ANO3: variants seen among roughly 807,000 people sequenced by gnomAD.
ANO3 encodes the protein anoctamin 3.
ANO3 carries 99 observed loss-of-function variants against 144.8 expected under a neutral mutation model. That is an observed-to-expected ratio of 0.68 (90% CI 0.58 to 0.81). ANO3 has a LOEUF of 0.81. Among genes scored for constraint, ANO3 ranks in the 30% least tolerant of loss-of-function variants. The pLI is 0.00. For missense variants in ANO3, 905 were observed against 1,202.2 expected, an observed-to-expected ratio of 0.75 and a Z score of 3.66; for synonymous variants, 414 against 392.6, an observed-to-expected ratio of 1.05 and a Z score of -0.64.
intron 1 of ANO3, among the ~76,000 whole-genome samples, chr11:26,248,623 T>C (rs941238931): frequency 1.3e-5 from 2 of 152,204 alleles, no homozygotes; most frequent in East Asian, 1.9e-4. Context: ...CAGAAATGAA[T>C]TGGATTATGT....
At chr11:26,228,629 A>G (rs1210411326) in intron 1 of ANO3, among the ~76,000 whole-genome samples, 1 of 152,220 alleles carries the variant, frequency 6.6e-6, no homozygotes, top group Admixed American at 6.5e-5. Context: ...ATTGGCCCCA[A>G]AGTTAGCACC....
intron 19 of ANO3, 126 bp downstream of exon 19, chr11:26,634,441 AT>A (rs1444636474): frequency 6.5e-6 from 4 of 614,406 alleles, no homozygotes; most frequent in South Asian, 4.6e-5. Flanking sequence ...GCACAAAAAA[AT>A]AAAACCTATT....
At chr11:26,301,228 T>G (rs1157240711) in intron 1 of ANO3, among the ~76,000 whole-genome samples, 1 of 152,226 alleles carries the variant, frequency 6.6e-6, no homozygotes, top group Non-Finnish European at 1.5e-5. Context: ...TTGTTACCAC[T>G]GTCATTGGAT....
At chr11:26,469,673 A>C (rs189522400) in intron 4 of ANO3, among the ~76,000 whole-genome samples, 1 of 152,084 alleles carries the variant, frequency 6.6e-6, no homozygotes, top group East Asian at 1.9e-4. Context: ...TAAATATATC[A>C]GTGTCAAAAT....
At chr11:26,392,249 T>C (rs911765686) in intron 1 of ANO3, among the ~76,000 whole-genome samples, 9 of 151,710 alleles carry the variant, frequency 5.9e-5, no homozygotes, top group Non-Finnish European at 1.0e-4. Context: ...CTTTTTTTTT[T>C]TTTTTTTAAG....
chr11:26,424,925 A>G (rs1387442026), intron 1 of ANO3, among the ~76,000 whole-genome samples: 1 of 152,028 alleles, frequency 6.6e-6, no homozygotes, highest in African/African-American at 2.4e-5. Flanking sequence ...TCTAGGGTAC[A>G]TGTGCACAAC....
At position 26,226,514 on chromosome 11, in the gene ANO3, C is replaced by G. The variant is rs139563631; in HGVS notation, c.154+37184C>G. On this transcript the variant is annotated intron_variant, in intron 1 of 27. Coordinates refer to the ANO3 transcript ENST00000672621. The stretch of plus-strand genomic sequence containing the variant: ...AATTTTTAAAACATTTTTATATTTC[C>G]TTTTAGTTTATCCCTGGAGCCCGAC... Among the ~76,000 whole-genome samples, 933 of 152,000 alleles carry G rather than the reference C, an allele frequency of 6.1e-3. 6 individuals are homozygous for G. Among genetic ancestry groups the G allele is most frequent in the African/African-American group, 0.022 (896 of 41,464 alleles).
intron 11 of ANO3, among the ~76,000 whole-genome samples, chr11:26,546,560 G>C (rs1849794203): frequency 6.6e-6 from 1 of 151,990 alleles, no homozygotes; most frequent in African/African-American, 2.4e-5. Context: ...GTCTTTAGAA[G>C]ATGGAGACCA....
In ANO3 at chr11:26,525,706, A is replaced by C. The variant is rs988902329; in HGVS notation, c.737+27A>C. 6 of 1,586,106 alleles carry C rather than the reference A, an allele frequency of 3.8e-6. No individual in the cohort carries two copies. In the South Asian group the frequency reaches 5.8e-5, roughly 15 times the overall value. On this transcript the variant is annotated intron_variant, in intron 7 of 26. Coordinates refer to ENST00000256737, the MANE Select transcript of ANO3 (RefSeq NM_031418.4). ...TTGGTGGGTGATGAATCATTTCTTT[A>C]TAACAAATTTGTCGTTTTGAAAAAA... is the stretch of plus-strand genomic sequence containing the variant.
At chr11:26,207,421 T>C (rs118079878) in intron 1 of ANO3, among the ~76,000 whole-genome samples, 1,704 of 152,302 alleles carry the variant, frequency 0.011, 30 homozygotes, top group Non-Finnish European at 0.015. Context: ...GATACGGGTT[T>C]GCATTCACAT....
At chr11:26,408,086 AC>A (rs1326064844) in intron 1 of ANO3, among the ~76,000 whole-genome samples, 2 of 152,038 alleles carry the variant, frequency 1.3e-5, no homozygotes, top group Non-Finnish European at 2.9e-5. Flanking sequence ...TGTCTAAAAC[AC>A]CAAAAGCAAT....
chr11:26,469,118 T>C (rs1018785695), intron 4 of ANO3, among the ~76,000 whole-genome samples: 2 of 151,926 alleles, frequency 1.3e-5, no homozygotes, highest in Non-Finnish European at 2.9e-5. Context: ...AAAGGCATTA[T>C]CCTCCCTGCA....
chr11:26,641,615 T>A (rs1254563963), intron 21 of ANO3, among the ~76,000 whole-genome samples: 1 of 152,174 alleles, frequency 6.6e-6, no homozygotes, highest in Non-Finnish European at 1.5e-5. Context: ...AATTCCTAGA[T>A]AATTATGTAG....
At chr11:26,630,753 T>G (rs970782987) in intron 18 of ANO3, among the ~76,000 whole-genome samples, 5 of 152,206 alleles carry the variant, frequency 3.3e-5, no homozygotes, top group African/African-American at 1.2e-4. Context: ...GTGGTAAATT[T>G]ATAAATGAAA....
intron 14 of ANO3, among the ~76,000 whole-genome samples, chr11:26,586,569 C>G (rs1851290623): frequency 1.5e-5 from 2 of 133,902 alleles, no homozygotes; most frequent in Admixed American, 8.8e-5. Context: ...GTGGCGCGAT[C>G]TCGGCTCACC....
At chr11:26,250,167 C>T (rs1852894653) in intron 1 of ANO3, among the ~76,000 whole-genome samples, 1 of 152,182 alleles carries the variant, frequency 6.6e-6, no homozygotes, top group Admixed American at 6.5e-5. Flanking sequence ...CTACTACTTG[C>T]TTTGCAAAAA....
intron 1 of ANO3, among the ~76,000 whole-genome samples, chr11:26,272,236 G>T (rs568323598): frequency 1.3e-5 from 2 of 151,968 alleles, no homozygotes; most frequent in East Asian, 3.9e-4. Context: ...GAAGAGCACC[G>T]AGAAGCAGAG....
At chr11:26,331,293 C>G (rs1855033073), upstream of ANO3, 1 of 152,174 alleles carries the variant, frequency 6.6e-6, no homozygotes, top group Non-Finnish European at 1.5e-5. Flanking sequence ...ACCTATGTAA[C>G]AAACCTGCGC....
At chr11:26,254,388 G>A (rs1853007965) in intron 1 of ANO3, among the ~76,000 whole-genome samples, 1 of 151,918 alleles carries the variant, frequency 6.6e-6, no homozygotes, top group Non-Finnish European at 1.5e-5. Context: ...AAACTATCTG[G>A]GCCAGATAAC....
Sources: allele counts gnomAD v4.1 joint callset (sites outside exome capture counted in the v4.1 genomes callset), GRCh38; gene constraint gnomAD v4.1.1; transcripts MANE v1.5; gene names NCBI Gene and HGNC (gene_info 2026-07-23, HGNC 2026-07-21).